The following SORBS3 variants were observed in gnomAD, a reference collection of about 807,000 sequenced individuals.
SORBS3 encodes the protein sorbin and SH3 domain containing 3.
A neutral mutation model predicts 98.0 loss-of-function variants in SORBS3; 69 were observed. The observed-to-expected ratio is 0.70, with a 90% CI of 0.58 to 0.86. The LOEUF (loss-of-function observed/expected upper bound fraction) is 0.86. SORBS3 is among the 40% of genes least tolerant of loss of function. The pLI is 0.00. For missense variants in SORBS3, 954 were observed against 908.5 expected (o/e 1.05, Z -0.64); for synonymous variants, 394 against 355.4 (o/e 1.11, Z -1.22).
At position 22,561,967 on chromosome 8, in the gene SORBS3, G is replaced by T. The variant is rs201505289; in HGVS notation, c.584+36G>T. 468 of 1,602,086 alleles carry T rather than the reference G, an allele frequency of 2.9e-4. 4 individuals are homozygous for T. The African/African-American group carries it at 5.7e-3, about 19-fold the overall frequency. On this transcript the variant is annotated intron_variant, in intron 7 of 20. Transcript: ENST00000240123. ...TGGGGCGGGGCCGAGGGCTGCGGAG[G>T]GGCGCGGCCCGCGAGACACCATGGG...
rs1340882145 is a variant in SORBS3 at position 22,574,948 on chromosome 8, C to G, written c.*220C>G. On this transcript the variant is annotated 3_prime_UTR_variant, in exon 21 of 21. Transcript: ENST00000240123. ...ATTCCTCCCACAGCCCTTTCATTTC[C>G]TCCCCACCCCACTCCCCAAATACAG... 1.3e-5 allele frequency: 9 copies of G among 684,096 alleles called. No individual in the cohort carries two copies. Among genetic ancestry groups the G allele is most frequent in the Non-Finnish European group, 2.1e-5 (8 of 373,468 alleles). 42.4% of individuals were successfully genotyped at this position (684,096 alleles called of 1,614,324 possible). A position where few individuals can be genotyped will look rare whatever the true frequency, so the allele number is the denominator to read the frequency against.
rs778222629 is a variant in SORBS3, at chr8:22,571,801, C to T, written c.1827C>T (p.Thr609=). ...ACCTGGGGACCTCCTCTCCTAACACCTCTCAGATACACTGGACCCCGTGAG... is the reference window on the plus strand; with the variant it reads ...ACCTGGGGACCTCCTCTCCTAACACTTCTCAGATACACTGGACCCCGTGAG... The part of the protein sequence containing the change: ...PLDLGTSSPN[T]SQIHWTPYRA... Residue 609 remains threonine (T), a synonymous_variant, in exon 19 of 21, where the codon ACC becomes ACT. Transcript: ENST00000240123. The T allele has an allele frequency of 2.5e-6, 4 of 1,612,584 alleles. No homozygotes were observed. Among genetic ancestry groups the T allele is most frequent in the Non-Finnish European group, 3.4e-6 (4 of 1,178,702 alleles).
Position 22,556,862 on chromosome 8 carries a change from G to T in SORBS3, c.368G>T (p.Gly123Val). 1.2e-6 allele frequency: 2 copies of T among 1,613,436 alleles called. No homozygotes were observed. Among genetic ancestry groups the T allele is most frequent in the Non-Finnish European group, 1.7e-6 (2 of 1,180,024 alleles). ...GACAAGCGCTGGGTCAAGTACGAGGGAATCGGGCCCGTGGACGAGAGCGGC... is the reference window on the plus strand; with the variant it reads ...GACAAGCGCTGGGTCAAGTACGAGGTAATCGGGCCCGTGGACGAGAGCGGC... The part of the protein sequence containing the change: ...RRDKRWVKYE[G>V]IGPVDESGMP... The change falls in exon 4 of 21, where the codon GGA becomes GTA. Residue 123 changes from glycine to valine, a missense_variant. Gly to Val is a moderately radical substitution (Grantham distance 109, BLOSUM62 -3). Coordinates refer to ENST00000240123, the MANE Select transcript of SORBS3 (RefSeq NM_005775.5).
At chr8:22,555,431 A>G (rs1840165928) in intron 3 of SORBS3, among the ~76,000 whole-genome samples, 1 of 152,236 alleles carries the variant, frequency 6.6e-6, no homozygotes, top group African/African-American at 2.4e-5. Context: ...GGTGCAGGCC[A>G]GCCCTGAACA....
intron 12 of SORBS3, 170 bp downstream of exon 12, chr8:22,566,042 GT>G: frequency 1.7e-6 from 1 of 574,172 alleles, no homozygotes; most frequent in Non-Finnish European, 2.6e-6. Context: ...GCGGGGCGCC[GT>G]TCCCGCGCCA....
intron 20 of SORBS3, among the ~76,000 whole-genome samples, chr8:22,573,894 G>T (rs1401112260): frequency 6.6e-6 from 1 of 152,200 alleles, no homozygotes; most frequent in Non-Finnish European, 1.5e-5. Flanking sequence ...CAGCTGGGGG[G>T]TGTGGGGATA....
At chr8:22,574,503 C>T (rs1586912188) in intron 20 of SORBS3, among the ~76,000 whole-genome samples, 164 bp from the exon 21 acceptor site, 1 of 152,148 alleles carries the variant, frequency 6.6e-6, no homozygotes, top group East Asian at 1.9e-4. Flanking sequence ...AAGCTTCTGC[C>T]GCTAGGGGGC....
chr8:22,554,809 C>A lies in SORBS3; in HGVS notation c.103-54C>A. ...GTGTGGGCTGTGCCTAGTAGCCATC[C>A]CTCCCTCCCGCCCTGCTGGGCCCTG... On this transcript the variant is annotated intron_variant, in intron 2 of 20. Coordinates refer to ENST00000240123, the MANE Select transcript of SORBS3 (RefSeq NM_005775.5). This position sits in a 1 kb window ranked among gnomAD's most constrained non-coding sequence, Gnocchi z 6.5. The A allele has an allele frequency of 1.4e-6, 2 of 1,411,866 alleles. No homozygotes were observed. Among genetic ancestry groups the A allele is most frequent in the Non-Finnish European group, 2.0e-6 (2 of 1,004,380 alleles). The allele number at this position is 1,411,866 out of a possible 1,614,324, so 87.5% of individuals were successfully genotyped here.
chr8:22,566,600 G>A, intron 13 of SORBS3, 61 bp from the exon 14 acceptor site: 2 of 1,579,850 alleles, frequency 1.3e-6, no homozygotes, highest in Non-Finnish European at 1.7e-6. Flanking sequence ...TGCCCTAGGT[G>A]GGGGTGCAAC....
In SORBS3 at chr8:22,566,335, C is replaced by T. The variant is rs1840419287; in HGVS notation, c.951-10C>T. 6.2e-7 allele frequency: 1 copy of T among 1,611,824 alleles called. No homozygotes were observed. Among genetic ancestry groups the T allele is most frequent in the Non-Finnish European group, 8.5e-7 (1 of 1,179,120 alleles). Reference sequence around the variant, plus strand: ...CCAGGCTGGAGGCTCAGTCTCTGTGCCCCGTGCAGCCCGGCCTCAGCCTGG... The same window carrying T: ...CCAGGCTGGAGGCTCAGTCTCTGTGTCCCGTGCAGCCCGGCCTCAGCCTGG... On this transcript the variant is annotated splice_polypyrimidine_tract_variant and intron_variant, in intron 12 of 20. Transcript: ENST00000240123.
upstream of SORBS3, among the ~76,000 whole-genome samples, chr8:22,547,529 G>A (rs1840028459): frequency 6.6e-6 from 1 of 152,130 alleles, no homozygotes; most frequent in South Asian, 2.1e-4. Context: ...GTATCCACTG[G>A]GCCAACAGAT....
At chr8:22,565,773 C>A in intron 11 of SORBS3, 53 bp from the exon 12 acceptor site, 1 of 1,301,592 alleles carries the variant, frequency 7.7e-7, no homozygotes, top group Admixed American at 3.7e-5. Flanking sequence ...GCGGCCTCGG[C>A]TGCCGCTGGG....
upstream of SORBS3, among the ~76,000 whole-genome samples, chr8:22,547,859 TGTCA>T (rs1441670988): frequency 6.6e-6 from 1 of 152,224 alleles, no homozygotes; most frequent in African/African-American, 2.4e-5. Flanking sequence ...GTGGATGTGA[TGTCA>T]GTATCAAAAC....
At position 22,565,812 on chromosome 8, in the gene SORBS3, G is replaced by A; in HGVS notation, c.904-14G>A. The A allele has an allele frequency of 7.6e-7, 1 of 1,316,810 alleles. No individual in the cohort carries two copies. Among genetic ancestry groups the A allele is most frequent in the South Asian group, 2.0e-5 (1 of 50,284 alleles). 81.6% of individuals were successfully genotyped at this position (1,316,810 alleles called of 1,614,324 possible). ...CGGGGTCGCGGGCCCTGATTGCGCC[G>A]TTTCCCCGCGCAGAGCTCGCCGGCG... On this transcript the variant is annotated splice_polypyrimidine_tract_variant and intron_variant, in intron 11 of 20. Transcript: ENST00000240123.
At chr8:22,548,458 G>C (rs2117186114), upstream of SORBS3, among the ~76,000 whole-genome samples, 1 of 152,282 alleles carries the variant, frequency 6.6e-6, no homozygotes, top group East Asian at 1.9e-4. Flanking sequence ...CAAACTGCTG[G>C]AAACGGGCAG....
intron 11 of SORBS3, chr8:22,565,620 G>A: frequency 1.2e-6 from 1 of 855,356 alleles, no homozygotes; most frequent in East Asian, 3.7e-5. Flanking sequence ...CGCCCCGTCC[G>A]GCCCCCGGGC....
At chr8:22,559,646 T>C (rs1260978916) in intron 5 of SORBS3, among the ~76,000 whole-genome samples, 1 of 150,612 alleles carries the variant, frequency 6.6e-6, no homozygotes, top group Non-Finnish European at 1.5e-5. Context: ...GAGGTTGCAG[T>C]GAGCTGAGAC....
In SORBS3 at chr8:22,566,665, T is replaced by C. The variant is rs1207412682; in HGVS notation, c.1095T>C (p.Pro365=). 6 of 1,607,618 alleles carry C rather than the reference T, an allele frequency of 3.7e-6. No individual in the cohort carries two copies. The highest frequency in any genetic ancestry group is 5.1e-6 in the Non-Finnish European group (6 of 1,178,126). ...DFVYPSSTRD[P]SASNGGGSPA... ...TGAGGTTGTGCTTCTCCACAGACCC[T>C]AGTGCCTCTAACGGAGGGGGCAGCC... The change falls in exon 14 of 21, where the codon CCT becomes CCC. Residue 365 remains proline (P), a synonymous_variant. Transcript: ENST00000240123.
chr8:22,568,257 T>A (rs1451108555), intron 16 of SORBS3, among the ~76,000 whole-genome samples: 1 of 152,224 alleles, frequency 6.6e-6, no homozygotes, highest in Non-Finnish European at 1.5e-5. Flanking sequence ...TGTTTTTCTC[T>A]CGTTTTTGTT....
Sources: gnomAD v4.1 joint callset for allele counts (sites outside exome capture counted in the v4.1 genomes callset) on GRCh38, gnomAD v4.1.1 for gene constraint, Gnocchi (gnomAD v3.1) non-coding constraint, MANE v1.5 for transcripts, NCBI Gene and HGNC (gene_info 2026-07-23, HGNC 2026-07-21) for gene names.